Variants in GRAMD1B observed in about 807,000 individuals in gnomAD.
GRAMD1B encodes GRAM domain containing 1B.
Under a neutral mutation model 99.7 loss-of-function variants are expected in GRAMD1B, and 37 were observed. The ratio of observed to expected loss-of-function variants is 0.37; its 90% confidence interval spans 0.29 to 0.49. GRAMD1B has a LOEUF of 0.49. Ranked by LOEUF, GRAMD1B falls within the 20% of genes least tolerant of loss-of-function variation. GRAMD1B has a pLI of 0.98. For missense variants in GRAMD1B, 888 were observed against 1,009.2 expected, an observed-to-expected ratio of 0.88 and a Z score of 1.63; for synonymous variants, 427 against 387.6, an observed-to-expected ratio of 1.10 and a Z score of -1.19.
chr11:123,537,365 T>G (rs1296769373), intron 2 of GRAMD1B, among the ~76,000 whole-genome samples: 1 of 152,232 alleles, frequency 6.6e-6, no homozygotes, highest in Non-Finnish European at 1.5e-5. Context: ...ACCTCAACTG[T>G]CTTTTCTTAT....
chr11:123,465,924 C>G (rs1436615931), intron 1 of GRAMD1B, among the ~76,000 whole-genome samples: 1 of 152,072 alleles, frequency 6.6e-6, no homozygotes, highest in Admixed American at 6.6e-5. Flanking sequence ...AATACTCGAA[C>G]TCCTCATTAA....
chr11:123,470,687 G>A (rs1454182344), intron 1 of GRAMD1B, among the ~76,000 whole-genome samples: 2 of 152,006 alleles, frequency 1.3e-5, no homozygotes, highest in Admixed American at 6.6e-5. Context: ...ACTAGGAAGG[G>A]CTACCACGTT....
At chr11:123,616,064 G>C (rs1275070) in intron 17 of GRAMD1B, among the ~76,000 whole-genome samples, 57,783 of 151,896 alleles carry the variant, frequency 0.38, 11,601 homozygotes, top group South Asian at 0.56. Flanking sequence ...TGGCTCACAC[G>C]TGTAATCCCA....
At chr11:123,399,601 ACC>A (rs1372902320) in intron 1 of GRAMD1B, among the ~76,000 whole-genome samples, 1 of 136,844 alleles carries the variant, frequency 7.3e-6, no homozygotes, top group Admixed American at 7.4e-5. Context: ...ACCAACACTT[ACC>A]TTTTGTATTT....
chr11:123,512,878 G>A (rs1041248666), intron 2 of GRAMD1B, among the ~76,000 whole-genome samples: 3 of 151,862 alleles, frequency 2.0e-5, no homozygotes, highest in Non-Finnish European at 4.4e-5. Flanking sequence ...ACATTTTTCT[G>A]GGGAGAGTAT....
At chr11:123,518,511 C>T (rs1040131777) in intron 2 of GRAMD1B, among the ~76,000 whole-genome samples, 1 of 152,278 alleles carries the variant, frequency 6.6e-6, no homozygotes, top group Admixed American at 6.5e-5. Context: ...AAGGAGTTTC[C>T]TTACCCCGAG....
chr11:123,576,461 C>G (rs1307446813), intron 2 of GRAMD1B, among the ~76,000 whole-genome samples: 1 of 152,274 alleles, frequency 6.6e-6, no homozygotes, highest in East Asian at 1.9e-4. Context: ...AGCAAACATT[C>G]AACTGCATTC....
intron 1 of GRAMD1B, among the ~76,000 whole-genome samples, chr11:123,468,015 A>G (rs889058767): frequency 1.3e-5 from 2 of 151,686 alleles, no homozygotes; most frequent in African/African-American, 2.4e-5. Flanking sequence ...AGGCATGCCC[A>G]CCACACTCAG....
intron 1 of GRAMD1B, among the ~76,000 whole-genome samples, chr11:123,387,733 C>T (rs964079705): frequency 3.3e-5 from 5 of 151,530 alleles, no homozygotes; most frequent in South Asian, 4.2e-4. Flanking sequence ...CCACCCGCCC[C>T]GCCCCACAAG....
At chr11:123,560,123 GC>G (rs1946566360) in intron 2 of GRAMD1B, 1 of 816,970 alleles carries the variant, frequency 1.2e-6, no homozygotes, top group Non-Finnish European at 1.5e-6. Flanking sequence ...ATAATTGAGC[GC>G]CGGCAAGCTG....
At chr11:123,364,681 C>G (rs564227759) in intron 1 of GRAMD1B, among the ~76,000 whole-genome samples, 1 of 152,118 alleles carries the variant, frequency 6.6e-6, no homozygotes, top group Admixed American at 6.5e-5. Flanking sequence ...AGATACAAGG[C>G]TCCATCTTTC....
chr11:123,582,328 C>T (rs1565409745), intron 3 of GRAMD1B, among the ~76,000 whole-genome samples: 1 of 152,212 alleles, frequency 6.6e-6, no homozygotes, highest in Non-Finnish European at 1.5e-5. Flanking sequence ...GGCTGCAATG[C>T]CTAGAGGCGA....
chr11:123,441,978 A>G (rs946897722), intron 1 of GRAMD1B, among the ~76,000 whole-genome samples: 5 of 152,184 alleles, frequency 3.3e-5, no homozygotes, highest in Admixed American at 2.0e-4. Context: ...GTGTTAGTCC[A>G]TGCGTTGAGG....
chr11:123,595,131 C>G (rs967943633), intron 6 of GRAMD1B, among the ~76,000 whole-genome samples: 1 of 152,082 alleles, frequency 6.6e-6, no homozygotes, highest in Non-Finnish European at 1.5e-5. Flanking sequence ...GAGGCATAGT[C>G]AAGTAGAAAG....
intron 4 of GRAMD1B, among the ~76,000 whole-genome samples, chr11:123,590,069 T>C (rs1404693047): frequency 1.3e-5 from 2 of 152,248 alleles, no homozygotes; most frequent in African/African-American, 4.8e-5. Flanking sequence ...CCCTGGATTT[T>C]GCTGCTTTGA....
rs554259204 is a variant in GRAMD1B, at chr11:123,626,821, A to AT, written c.*4230dup. 7.9e-5 allele frequency: 12 copies of AT among 152,356 alleles called. No homozygotes were observed. The East Asian group carries it at 2.1e-3, about 27-fold the overall frequency. The allele number at this position is 152,356 out of a possible 1,614,324, so 9.4% of individuals were successfully genotyped here. A position where few individuals can be genotyped will look rare whatever the true frequency, so the allele number is the denominator to read the frequency against. On this transcript the variant is annotated 3_prime_UTR_variant, in exon 20 of 20. Transcript: ENST00000635736. Reference sequence around the variant, plus strand: ...CTCTGTGTTTTCTTCTAGAAGATGCATTTTGGGTCTGAGAGGAGCATTTTC... The same window carrying AT: ...CTCTGTGTTTTCTTCTAGAAGATGCATTTTTGGGTCTGAGAGGAGCATTTTC...
rs963130966 is a variant in GRAMD1B at position 123,456,086 on chromosome 11, G to A, written c.375-24730G>A. On this transcript the variant is annotated intron_variant, in intron 1 of 19. Transcript: ENST00000635736. ...CTCGGAAGCCTGAGGCACGAGAATC[G>A]CTTGAACCAGGGAGGTGGAGGGAGG... Among the ~76,000 whole-genome samples the A allele has an allele frequency of 2.0e-4, 31 of 152,080 alleles. 1 individual carries two copies.
chr11:123,613,857 A>G (rs1187178401), intron 16 of GRAMD1B, among the ~76,000 whole-genome samples, 199 bp downstream of exon 16: 1 of 152,172 alleles, frequency 6.6e-6, no homozygotes, highest in East Asian at 1.9e-4. Flanking sequence ...AGCTGAACCC[A>G]TATGTGTGCT....
chr11:123,547,941 A>T (rs79109940), intron 2 of GRAMD1B, among the ~76,000 whole-genome samples: 2,196 of 151,604 alleles, frequency 0.014, 21 homozygotes, highest in Non-Finnish European at 0.022. Context: ...AGACTTTCAC[A>T]CTCCTGCATT....
Sources: allele counts gnomAD v4.1 joint callset (sites outside exome capture counted in the v4.1 genomes callset), GRCh38; gene constraint gnomAD v4.1.1; transcripts MANE v1.5; gene names NCBI Gene and HGNC (gene_info 2026-07-23, HGNC 2026-07-21).